Variants in ABCC5 observed in about 807,000 individuals in gnomAD.
ABCC5 encodes ATP-binding cassette sub-family C member 5.
ABCC5 carries 61 observed loss-of-function variants against 160.9 expected under a neutral mutation model. The observed-to-expected ratio is 0.38, with a 90% confidence interval of 0.31 to 0.47. The LOEUF is 0.47. Ranked by LOEUF, ABCC5 falls within the 20% of genes least tolerant of loss-of-function variation. The pLI is 0.99. For synonymous variants in ABCC5, 666 were observed against 700.6 expected (o/e 0.95, Z 0.78); for missense variants, 1,308 against 1,813.3 (o/e 0.72, Z 5.06).
At chr3:184,000,889 G>C in intron 2 of ABCC5, 2 of 239,366 alleles carry the variant, frequency 8.4e-6, no homozygotes, top group Admixed American at 5.5e-5. Context: ...CTGTCCAATA[G>C]AAATATAATG....
rs1049212395 is a variant in ABCC5 at position 183,953,361 on chromosome 3, G to A, written c.2483-91C>T. ...TGCAGAGCAACAGAATCGGACAACC[G>A]GCAGCTTCACAGGGGTCTAGATTAG... is the stretch of plus-strand genomic sequence containing the variant. On this transcript the variant is annotated intron_variant, in intron 17 of 29. Transcript: ENST00000334444. 4.9e-5 allele frequency: 59 copies of A among 1,207,336 alleles called. No individual in the cohort carries two copies. In the African/African-American group the frequency reaches 7.6e-4, roughly 16 times the overall value. The allele number at this position is 1,207,336 out of a possible 1,614,324, so 74.8% of individuals were successfully genotyped here. A position where few individuals can be genotyped will look rare whatever the true frequency, so the allele number is the denominator to read the frequency against.
Position 183,965,244 on chromosome 3 carries a change from GCA to G in ABCC5, c.1970_1971del (p.Val657AlafsTer9), listed in dbSNP as rs1456987274. 1 of 1,614,248 alleles carries G rather than the reference GCA, an allele frequency of 6.2e-7. No individual in the cohort carries two copies. Among genetic ancestry groups the G allele is most frequent in the Non-Finnish European group, 8.5e-7 (1 of 1,180,044 alleles). On this transcript the variant is annotated frameshift_variant, in exon 14 of 30. Coordinates refer to ENST00000334444, the MANE Select transcript of ABCC5 (RefSeq NM_005688.4). LOFTEE classifies it high-confidence loss of function. ...TCAGGCCTCAGGCAGCAGCTGTTCAGCACAGAGTTGTATCTGGAGGACACAAA... is the reference window on the plus strand; with the variant it reads ...TCAGGCCTCAGGCAGCAGCTGTTCAGCAGAGTTGTATCTGGAGGACACAAA... Reference protein sequence around the residue: ...KEYDEERYNSVLNSCCLRPDL... With the variant: ...KEYDEERYNSXLNSCCLRPDL...
intron 15 of ABCC5, among the ~76,000 whole-genome samples, chr3:183,962,074 A>G (rs1299395684): frequency 1.3e-5 from 2 of 152,022 alleles, no homozygotes; most frequent in East Asian, 1.9e-4. Flanking sequence ...GGTTGTCACA[A>G]CTCGGGGGAG....
intron 17 of ABCC5, among the ~76,000 whole-genome samples, chr3:183,953,908 C>A (rs1446676746): frequency 6.6e-6 from 1 of 152,118 alleles, no homozygotes; most frequent in Non-Finnish European, 1.5e-5. Flanking sequence ...TGAATTTTGG[C>A]CCCACAAAGA....
At chr3:183,966,386 T>C (rs571751651) in intron 12 of ABCC5, among the ~76,000 whole-genome samples, 2 of 152,254 alleles carry the variant, frequency 1.3e-5, no homozygotes, top group Admixed American at 6.5e-5. Context: ...ACACCGCACA[T>C]TGCAGCGCTA....
In ABCC5 at chr3:183,951,878, A is replaced by C. The variant is rs1195739986; in HGVS notation, c.2793T>G (p.Ile931Met). The C allele has an allele frequency of 1.9e-6, 3 of 1,613,816 alleles. No homozygotes were observed. Among genetic ancestry groups the C allele is most frequent in the Non-Finnish European group, 2.5e-6 (3 of 1,179,796 alleles). The change falls in exon 19 of 30, where the codon ATT (isoleucine) becomes ATG (methionine). Residue 931 changes from isoleucine to methionine, a missense_variant. Coordinates refer to ENST00000334444, the MANE Select transcript of ABCC5 (RefSeq NM_005688.4). This position sits in a 1 kb window ranked among gnomAD's most constrained non-coding sequence, Gnocchi z 4.7. Reference sequence around the variant, plus strand: ...ATACCTTGACAAAGACAACTCCTCGAATGGCTTTCAGGATCAGCATGACTG... The same window carrying C: ...ATACCTTGACAAAGACAACTCCTCGCATGGCTTTCAGGATCAGCATGACTG... ...SMAVMLILKA[I>M]RGVVFVKGTL...
chr3:183,991,430 T>C lies in ABCC5; in HGVS notation c.130-2047A>G, dbSNP rs529752153. On this transcript the variant is annotated intron_variant, in intron 2 of 29. Transcript: ENST00000334444. Reference sequence around the variant, plus strand: ...CCTTATACAAAGCAGTTGATTTTTATACATCACCTCCTTTCCCACCAAAGA... The same window carrying C: ...CCTTATACAAAGCAGTTGATTTTTACACATCACCTCCTTTCCCACCAAAGA... 5.9e-5 allele frequency among the ~76,000 whole-genome samples: 9 copies of C among 152,340 alleles called. No individual in the cohort carries two copies. The South Asian group carries it at 1.7e-3, about 28-fold the overall frequency.
intron 10 of ABCC5, among the ~76,000 whole-genome samples, chr3:183,975,976 A>G (rs986927126): frequency 1.3e-5 from 2 of 152,240 alleles, no homozygotes; most frequent in African/African-American, 4.8e-5. Context: ...GAATATAGAA[A>G]TGAACAGCAG....
At position 183,963,075 on chromosome 3, in the gene ABCC5, T is replaced by C. The variant is rs982091385; in HGVS notation, c.2235+310A>G. On this transcript the variant is annotated intron_variant, in intron 15 of 29. Coordinates refer to ENST00000334444, the MANE Select transcript of ABCC5 (RefSeq NM_005688.4). The surrounding 1 kb of genome is among the most constrained non-coding windows in gnomAD (Gnocchi z 4.6). ...TTTCCCAAAACAGTTCCCACTTGCA[T>C]AGAGATGTTAACACAATGCTTTCCA... Among the ~76,000 whole-genome samples the C allele has an allele frequency of 3.3e-5, 5 of 152,350 alleles. No homozygotes were observed. In the East Asian group the frequency reaches 5.8e-4, roughly 18 times the overall value.
At chr3:183,943,155 G>C (rs1714527508) in intron 24 of ABCC5, among the ~76,000 whole-genome samples, 1 of 152,178 alleles carries the variant, frequency 6.6e-6, no homozygotes, top group South Asian at 2.1e-4. Flanking sequence ...GAGGGAAGTG[G>C]TGTTCAGACT....
chr3:183,995,468 G>C (rs1720191883), intron 2 of ABCC5, among the ~76,000 whole-genome samples: 1 of 152,162 alleles, frequency 6.6e-6, no homozygotes, highest in African/African-American at 2.4e-5. Flanking sequence ...TTTGTATAAA[G>C]TGTAAGGTTT....
At chr3:183,957,919 T>C (rs374485964) in intron 17 of ABCC5, among the ~76,000 whole-genome samples, 5,932 of 83,598 alleles carry the variant, frequency 0.071, 339 homozygotes, top group African/African-American at 0.24. Flanking sequence ...TCCGTGTGTA[T>C]ATCACATCGG....
At chr3:183,965,279 C>G in intron 13 of ABCC5, 22 bp from the exon 14 acceptor site, 1 of 1,614,166 alleles carries the variant, frequency 6.2e-7, no homozygotes, top group South Asian at 1.1e-5. Context: ...AAAGAGACAG[C>G]GTCAGGGACA....
At chr3:183,997,875 C>T (rs1720405096) in intron 2 of ABCC5, among the ~76,000 whole-genome samples, 1 of 152,168 alleles carries the variant, frequency 6.6e-6, no homozygotes, top group African/African-American at 2.4e-5. Flanking sequence ...TTTGACCTCC[C>T]TGGCTCAAGC....
chr3:184,016,290 T>C (rs1209598676), intron 1 of ABCC5, among the ~76,000 whole-genome samples: 5 of 152,138 alleles, frequency 3.3e-5, no homozygotes, highest in Non-Finnish European at 7.3e-5. Flanking sequence ...TGGGGAACAG[T>C]GTTCCATTAT....
intron 5 of ABCC5, chr3:183,985,541 G>A (rs56373140): frequency 0.038 from 28,734 of 750,820 alleles, 707 homozygotes; most frequent in Middle Eastern, 0.056. Flanking sequence ...CCCTCGAGCA[G>A]AGTTAGCATT....
chr3:183,937,656 C>T (rs1367147302), intron 26 of ABCC5, among the ~76,000 whole-genome samples: 2 of 152,216 alleles, frequency 1.3e-5, no homozygotes, highest in Admixed American at 6.5e-5. Flanking sequence ...GCCCTGGGCC[C>T]AGACCTCTCT....
At chr3:183,983,756 G>A (rs533373744) in intron 5 of ABCC5, 2 of 985,570 alleles carry the variant, frequency 2.0e-6, no homozygotes, top group South Asian at 4.7e-5. Context: ...CAGGAAGTGG[G>A]AAGGAATGTA....
intron 2 of ABCC5, chr3:184,011,327 C>T (rs547586002): frequency 6.6e-6 from 1 of 152,108 alleles, no homozygotes; most frequent in Non-Finnish European, 1.5e-5. Flanking sequence ...AACATCGTAG[C>T]CATTAGGGAA....
Sources: gnomAD v4.1 joint callset for allele counts (sites outside exome capture counted in the v4.1 genomes callset) on GRCh38, gnomAD v4.1.1 for gene constraint, Gnocchi (gnomAD v3.1) non-coding constraint, MANE v1.5 for transcripts, NCBI Gene and HGNC (gene_info 2026-07-23, HGNC 2026-07-21) for gene names.